Variants in LHFPL6 observed in about 807,000 individuals in gnomAD.
LHFPL6 encodes LHFPL tetraspan subfamily member 6 protein.
In LHFPL6, 9 loss-of-function variants were observed where a neutral mutation model predicts 20.6. The observed-to-expected ratio is 0.44, with a 90% CI of 0.26 to 0.76. The LOEUF (loss-of-function observed/expected upper bound fraction) is 0.76. Ranked by LOEUF, LHFPL6 falls within the 30% of genes least tolerant of loss-of-function variation. LHFPL6 has a pLI of 0.20. For missense variants in LHFPL6, 218 were observed against 253.5 expected (o/e 0.86, Z 0.95); for synonymous variants, 105 against 98.7 (o/e 1.06, Z -0.38).
intron 3 of LHFPL6, among the ~76,000 whole-genome samples, chr13:39,346,158 G>C (rs949166358): frequency 6.6e-6 from 1 of 152,162 alleles, no homozygotes; most frequent in African/African-American, 2.4e-5. Context: ...ATGTGCCCCA[G>C]GCGCAGATAA....
chr13:39,567,379 A>G (rs1444907446), intron 2 of LHFPL6, among the ~76,000 whole-genome samples: 1 of 152,230 alleles, frequency 6.6e-6, no homozygotes, highest in Non-Finnish European at 1.5e-5. Flanking sequence ...TACTTGCTTC[A>G]TATTACGAAG....
chr13:39,466,530 G>T (rs997251541), intron 2 of LHFPL6, among the ~76,000 whole-genome samples: 6 of 152,182 alleles, frequency 3.9e-5, no homozygotes, highest in Admixed American at 3.9e-4. Context: ...CTTTACAAAG[G>T]TCACAGACTA....
intron 2 of LHFPL6, among the ~76,000 whole-genome samples, chr13:39,593,388 C>T (rs1366031321): frequency 6.6e-6 from 1 of 152,080 alleles, no homozygotes; most frequent in Non-Finnish European, 1.5e-5. Flanking sequence ...AATAAAATAC[C>T]TAGGAATCCA....
At chr13:39,551,205 T>C (rs1221593385) in intron 2 of LHFPL6, among the ~76,000 whole-genome samples, 2 of 152,140 alleles carry the variant, frequency 1.3e-5, no homozygotes, top group Non-Finnish European at 2.9e-5. Flanking sequence ...ATTCAGCTCA[T>C]GGCTCTGGAG....
At chr13:39,466,470 T>C (rs1936241335) in intron 2 of LHFPL6, among the ~76,000 whole-genome samples, 1 of 152,226 alleles carries the variant, frequency 6.6e-6, no homozygotes, top group African/African-American at 2.4e-5. Context: ...TGTCATGTTA[T>C]ATAGAAGATT....
At chr13:39,460,354 G>C (rs966685393) in intron 2 of LHFPL6, among the ~76,000 whole-genome samples, 4 of 152,142 alleles carry the variant, frequency 2.6e-5, no homozygotes, top group Admixed American at 2.6e-4. Flanking sequence ...AGTCTCAAGA[G>C]GCGACACAAC....
chr13:39,573,405 C>T (rs1266595061), intron 2 of LHFPL6, among the ~76,000 whole-genome samples: 1 of 151,426 alleles, frequency 6.6e-6, no homozygotes, highest in Non-Finnish European at 1.5e-5. Flanking sequence ...TGTTCTGGGA[C>T]CAGAAAAATA....
chr13:39,451,875 T>C (rs1433609522), intron 2 of LHFPL6, among the ~76,000 whole-genome samples: 1 of 152,158 alleles, frequency 6.6e-6, no homozygotes, highest in African/African-American at 2.4e-5. Flanking sequence ...AAATCCTATC[T>C]AAGCATAGTA....
chr13:39,453,928 G>A (rs755013037), intron 2 of LHFPL6, among the ~76,000 whole-genome samples: 3 of 152,224 alleles, frequency 2.0e-5, no homozygotes, highest in African/African-American at 4.8e-5. Context: ...TAAGGCCAAA[G>A]TCAAGGTCAG....
intron 3 of LHFPL6, among the ~76,000 whole-genome samples, chr13:39,371,950 A>T (rs1870177200): frequency 6.6e-6 from 1 of 152,336 alleles, no homozygotes; most frequent in Admixed American, 6.5e-5. Context: ...ACAAGTGCCA[A>T]ACGCTCTTAC....
chr13:39,553,551 A>G (rs578006704), intron 2 of LHFPL6, among the ~76,000 whole-genome samples: 2 of 152,254 alleles, frequency 1.3e-5, no homozygotes, highest in Non-Finnish European at 2.9e-5. Context: ...ATCTCTACAA[A>G]AAAAAATATT....
rs1351005181 is a variant in LHFPL6 at position 39,562,671 on chromosome 13, CACAT to C, written c.385+38157_385+38160del. On this transcript the variant is annotated intron_variant, in intron 2 of 3. Coordinates refer to ENST00000379589, the MANE Select transcript of LHFPL6 (RefSeq NM_005780.3). ...ATACACACATATACACATATATACA[CACAT>C]ATATACACACACACACACACATATA... Among the ~76,000 whole-genome samples the C allele has an allele frequency of 1.4e-3, 164 of 119,682 alleles. 1 individual carries two copies. Among genetic ancestry groups the C allele is most frequent in the African/African-American group, 4.1e-3 (152 of 37,308 alleles). 78.5% of individuals were successfully genotyped at this position (119,682 alleles called of 152,430 possible).
chr13:39,435,874 T>C (rs764811839), intron 2 of LHFPL6, among the ~76,000 whole-genome samples: 1 of 152,182 alleles, frequency 6.6e-6, no homozygotes, highest in African/African-American at 2.4e-5. Flanking sequence ...TGCATACATA[T>C]GAGAACTTAT....
intron 3 of LHFPL6, among the ~76,000 whole-genome samples, chr13:39,372,138 G>A (rs995799640): frequency 4.0e-5 from 6 of 151,748 alleles, no homozygotes; most frequent in African/African-American, 1.2e-4. Flanking sequence ...GATCTCACAC[G>A]TTCTTCCTGA....
chr13:39,573,784 G>A (rs1872011910), intron 2 of LHFPL6, among the ~76,000 whole-genome samples: 1 of 151,932 alleles, frequency 6.6e-6, no homozygotes, highest in Admixed American at 6.5e-5. Context: ...TTATGAGTAG[G>A]CTAATAGTTA....
At chr13:39,459,963 A>G (rs1012655629) in intron 2 of LHFPL6, among the ~76,000 whole-genome samples, 1 of 152,194 alleles carries the variant, frequency 6.6e-6, no homozygotes, top group Non-Finnish European at 1.5e-5. Flanking sequence ...GATTTCCACA[A>G]TTATTACAAA....
intron 2 of LHFPL6, among the ~76,000 whole-genome samples, chr13:39,511,444 CCT>C (rs988624006): frequency 6.0e-5 from 9 of 149,954 alleles, no homozygotes; most frequent in African/African-American, 1.5e-4. Flanking sequence ...GTTCCTAACC[CCT>C]GTCAATTGAT....
intron 2 of LHFPL6, among the ~76,000 whole-genome samples, chr13:39,437,451 C>T (rs989490493): frequency 9.9e-5 from 15 of 152,142 alleles, no homozygotes; most frequent in African/African-American, 3.6e-4. Context: ...ATGGGAAATG[C>T]CTTTCTCCCC....
chr13:39,463,364 T>C (rs1182465471), intron 2 of LHFPL6, among the ~76,000 whole-genome samples: 1 of 152,162 alleles, frequency 6.6e-6, no homozygotes, highest in East Asian at 1.9e-4. Context: ...CCAAAATCTA[T>C]AGTGAATCTT....
Sources: gnomAD v4.1 joint callset for allele counts (sites outside exome capture counted in the v4.1 genomes callset) on GRCh38, gnomAD v4.1.1 for gene constraint, MANE v1.5 for transcripts, NCBI Gene and HGNC (gene_info 2026-07-23, HGNC 2026-07-21) for gene names.